ACTR6: variants seen among roughly 807,000 people sequenced by gnomAD.
ACTR6 encodes the protein actin-related protein 6.
Under a neutral mutation model 52.5 loss-of-function variants are expected in ACTR6, and 50 were observed. The observed-to-expected ratio is 0.95, with a 90% CI of 0.76 to 1.20. The LOEUF (loss-of-function observed/expected upper bound fraction) is 1.20. ACTR6 is among the 50% of genes most tolerant of loss of function. ACTR6 has a pLI of 0.00. For synonymous variants in ACTR6, 135 were observed against 147.2 expected (o/e 0.92, Z 0.60); for missense variants, 344 against 472.4 (o/e 0.73, Z 2.52).
rs924640563 is a variant in ACTR6, at chr12:100,207,666, G to A, written c.259G>A (p.Asp87Asn). 5 of 1,499,788 alleles carry A rather than the reference G, an allele frequency of 3.3e-6. No homozygotes were observed. Among genetic ancestry groups the A allele is most frequent in the South Asian group, 1.3e-5 (1 of 78,746 alleles). The allele number at this position is 1,499,788 out of a possible 1,614,324, so 92.9% of individuals were successfully genotyped here. A position where few individuals can be genotyped will look rare whatever the true frequency, so the allele number is the denominator to read the frequency against. ...TTTGGAATGTTTTCTCCTATAGGTT[G>A]ATTTTTTAGATACTAATATTATTAT... Reference protein sequence around the residue: ...YLFGKEMYQVDFLDTNIIITE... With the variant: ...YLFGKEMYQVNFLDTNIIITE... Residue 87 changes from aspartate (D) to asparagine (N), a missense_variant, in exon 4 of 11, where the codon GAT becomes AAT. By Grantham distance (23) the Asp-to-Asn change is conservative (BLOSUM62 1). Coordinates refer to ENST00000188312, the MANE Select transcript of ACTR6 (RefSeq NM_022496.5).
intron 4 of ACTR6, among the ~76,000 whole-genome samples, chr12:100,209,854 G>A (rs75335276): frequency 0.021 from 3,184 of 152,096 alleles, 113 homozygotes; most frequent in African/African-American, 0.072. Context: ...CTTTAAAAAC[G>A]GATACCAAAT....
intron 1 of ACTR6, among the ~76,000 whole-genome samples, chr12:100,202,683 C>T (rs1460571610): frequency 6.7e-6 from 1 of 149,734 alleles, no homozygotes; most frequent in African/African-American, 2.4e-5. Context: ...ACGGCGAAAC[C>T]CTGTCTCTAC....
At chr12:100,223,132 G>A (rs982945956) in intron 10 of ACTR6, among the ~76,000 whole-genome samples, 8 of 152,060 alleles carry the variant, frequency 5.3e-5, no homozygotes, top group Non-Finnish European at 1.0e-4. Flanking sequence ...GAGGTCAGGA[G>A]TTCAAGACCA....
At chr12:100,208,032 G>T in intron 4 of ACTR6, 1 of 327,756 alleles carries the variant, frequency 3.1e-6, no homozygotes, top group Non-Finnish European at 5.8e-6. Flanking sequence ...ATGGTGACAC[G>T]CACCTGTAGT....
At chr12:100,201,029 C>T in intron 1 of ACTR6, 110 bp downstream of exon 1, 1 of 1,580,118 alleles carries the variant, frequency 6.3e-7, no homozygotes, top group Non-Finnish European at 8.6e-7. Context: ...GCGGCCCTGA[C>T]TTAGCCAGAG....
Position 100,205,745 on chromosome 12 carries a change from G to T in ACTR6, c.255+1G>T. 5 of 1,486,980 alleles carry T rather than the reference G, an allele frequency of 3.4e-6. No individual in the cohort carries two copies. Among genetic ancestry groups the T allele is most frequent in the Non-Finnish European group, 4.5e-6 (5 of 1,111,036 alleles). 92.1% of individuals were successfully genotyped at this position (1,486,980 alleles called of 1,614,324 possible). ...CCTTTTTGGAAAAGAAATGTATCAG[G>T]TAACAAATTAGAGTATGTATTAAAA... On this transcript the variant is annotated splice_donor_variant, in intron 3 of 10. Transcript: ENST00000188312. LOFTEE classifies it high-confidence loss of function.
intron 6 of ACTR6, among the ~76,000 whole-genome samples, chr12:100,211,816 T>C (rs560815717): frequency 1.3e-5 from 2 of 152,148 alleles, no homozygotes; most frequent in Non-Finnish European, 2.9e-5. Flanking sequence ...TCTTTATTTC[T>C]ATAGTAAGCC....
chr12:100,210,263 G>C, intron 5 of ACTR6, 32 bp from the exon 6 acceptor site: 1 of 1,610,672 alleles, frequency 6.2e-7, no homozygotes, highest in South Asian at 1.1e-5. Context: ...AATGATATGT[G>C]CGATAATTAA....
rs1328157250 is a variant in ACTR6, at chr12:100,216,062, G to T, written c.751-2353G>T. ...CTACTAATGTATAATGAATTCGACT[G>T]ACCTAAATTGAGAAAATCGTCCTCA... On this transcript the variant is annotated intron_variant, in intron 8 of 10. Transcript: ENST00000188312. Among the ~76,000 whole-genome samples, 4 of 152,298 alleles carry T rather than the reference G, an allele frequency of 2.6e-5. No individual in the cohort carries two copies. The Middle Eastern group carries it at 0.01, about 389-fold the overall frequency.
Position 100,223,360 on chromosome 12 carries a change from G to T in ACTR6, c.1062-426G>T, listed in dbSNP as rs1282005529. Reference sequence around the variant, plus strand: ...CGTCTCAAAAAAAAAAAGAAAGAAAGTGGGAGTAATAGCTATTTTATGAGT... The same window carrying T: ...CGTCTCAAAAAAAAAAAGAAAGAAATTGGGAGTAATAGCTATTTTATGAGT... On this transcript the variant is annotated intron_variant, in intron 10 of 10. Transcript: ENST00000188312. Among the ~76,000 whole-genome samples the T allele has an allele frequency of 2.0e-5, 3 of 152,008 alleles. No individual in the cohort carries two copies. In the East Asian group the frequency reaches 5.8e-4, roughly 29 times the overall value.
At chr12:100,202,260 G>C (rs755405315) in intron 1 of ACTR6, among the ~76,000 whole-genome samples, 3 of 152,032 alleles carry the variant, frequency 2.0e-5, no homozygotes, top group Admixed American at 6.6e-5. Context: ...ATTACCTAGA[G>C]AATTAATTAG....
At chr12:100,202,463 G>A (rs2153899789) in intron 1 of ACTR6, among the ~76,000 whole-genome samples, 1 of 151,996 alleles carries the variant, frequency 6.6e-6, no homozygotes, top group Admixed American at 6.6e-5. Flanking sequence ...AGTATTATAA[G>A]TGAAATAAGC....
intron 4 of ACTR6, among the ~76,000 whole-genome samples, chr12:100,208,175 G>C (rs776013433): frequency 1.3e-5 from 2 of 151,958 alleles, no homozygotes; most frequent in Non-Finnish European, 2.9e-5. Flanking sequence ...ATTGAATTCT[G>C]TGAAGCTTGA....
At chr12:100,217,018 G>A (rs2096124379) in intron 8 of ACTR6, among the ~76,000 whole-genome samples, 1 of 152,130 alleles carries the variant, frequency 6.6e-6, no homozygotes, top group African/African-American at 2.4e-5. Context: ...TATCATGGAA[G>A]GAATATTTTG....
At chr12:100,215,417 G>A (rs1465112021) in intron 8 of ACTR6, among the ~76,000 whole-genome samples, 1 of 152,156 alleles carries the variant, frequency 6.6e-6, no homozygotes, top group Non-Finnish European at 1.5e-5. Flanking sequence ...CAGTAGAGGT[G>A]TGGTTATTCT....
chr12:100,207,770 A>G lies in ACTR6; in HGVS notation c.363A>G (p.Ala121=), dbSNP rs1304072813. Residue 121 remains alanine, a synonymous_variant, in exon 4 of 11, where the codon GCA becomes GCG. Coordinates refer to ENST00000188312, the MANE Select transcript of ACTR6 (RefSeq NM_022496.5). ...TATTTGAAGAATACCAGTTTCAAGC[A>G]GTATTAAGAGTAAATGGTGAGTTCA... ...EILFEEYQFQ[A]VLRVNAGALS... is the part of the protein sequence containing the mutation. 3.1e-6 allele frequency: 5 copies of G among 1,596,834 alleles called. No individual in the cohort carries two copies. In the African/African-American group the frequency reaches 5.4e-5, roughly 17 times the overall value.
intron 1 of ACTR6, chr12:100,201,145 AT>A: frequency 1.7e-6 from 2 of 1,202,252 alleles, no homozygotes; most frequent in Non-Finnish European, 2.2e-6. Context: ...TATATGTTTT[AT>A]TTCGTAACAG....
intron 8 of ACTR6, among the ~76,000 whole-genome samples, chr12:100,215,177 G>A (rs1478971603): frequency 2.0e-5 from 3 of 152,142 alleles, no homozygotes; most frequent in East Asian, 3.9e-4. Context: ...ACCTGTATCC[G>A]TGTTCTCAGT....
chr12:100,207,158 A>G (rs1475618759), intron 3 of ACTR6, among the ~76,000 whole-genome samples: 1 of 152,026 alleles, frequency 6.6e-6, no homozygotes, highest in Admixed American at 6.6e-5. Context: ...GGCTGAAGCA[A>G]TTAGCCTACC....
Sources: allele counts gnomAD v4.1 joint callset (sites outside exome capture counted in the v4.1 genomes callset), GRCh38; gene constraint gnomAD v4.1.1; transcripts MANE v1.5; gene names NCBI Gene and HGNC (gene_info 2026-07-23, HGNC 2026-07-21).